The following GRIP1 variants were observed in gnomAD, a reference collection of about 807,000 sequenced individuals.
GRIP1 encodes the protein glutamate receptor-interacting protein 1.
GRIP1 carries 45 observed loss-of-function variants against 129.9 expected under a neutral mutation model. The observed-to-expected ratio is 0.35, with a 90% confidence interval of 0.27 to 0.44. The LOEUF (loss-of-function observed/expected upper bound fraction) is 0.44, where lower values mean the gene tolerates loss of function less well. GRIP1 is among the 20% of genes least tolerant of loss of function. The probability of loss-of-function intolerance (pLI) is 1.00; values close to 1 mark genes in which losing one functional copy is unlikely to be tolerated. For synonymous variants in GRIP1, 530 were observed against 520.8 expected (o/e 1.02, Z -0.24); for missense variants, 1,196 against 1,396.8 (o/e 0.86, Z 2.29).
chr12:66,591,357 G>A (rs1047840215), intron 2 of GRIP1, among the ~76,000 whole-genome samples: 2 of 152,148 alleles, frequency 1.3e-5, no homozygotes, highest in African/African-American at 4.8e-5. Flanking sequence ...GGCTGACACT[G>A]AATGGCTTTG....
At chr12:66,562,336 C>T (rs1819147582) in intron 2 of GRIP1, among the ~76,000 whole-genome samples, 1 of 152,154 alleles carries the variant, frequency 6.6e-6, no homozygotes, top group African/African-American at 2.4e-5. Context: ...TCCTCATCAC[C>T]AGTACTTTGG....
At chr12:66,965,924 G>A (rs1384008867) in intron 1 of GRIP1, among the ~76,000 whole-genome samples, 3 of 152,152 alleles carry the variant, frequency 2.0e-5, no homozygotes, top group Non-Finnish European at 4.4e-5. Flanking sequence ...TCAAAGTAAT[G>A]CCTTCTCCAT....
At chr12:66,691,092 A>G (rs2136314622) in intron 1 of GRIP1, among the ~76,000 whole-genome samples, 1 of 152,300 alleles carries the variant, frequency 6.6e-6, no homozygotes, top group East Asian at 1.9e-4. Context: ...GTCAAGGGTA[A>G]TTTTCATTTT....
intron 1 of GRIP1, among the ~76,000 whole-genome samples, chr12:67,045,191 G>A (rs1332107258): frequency 1.3e-5 from 2 of 152,172 alleles, no homozygotes; most frequent in Non-Finnish European, 1.5e-5. Flanking sequence ...CCACTGGGAA[G>A]AGTGGGTAAC....
chr12:66,779,021 A>G (rs2038074764), intron 1 of GRIP1, among the ~76,000 whole-genome samples: 1 of 152,216 alleles, frequency 6.6e-6, no homozygotes, highest in Non-Finnish European at 1.5e-5. Flanking sequence ...TAGCTTTGGG[A>G]GCACTTTTCC....
At chr12:66,656,224 A>G (rs1344604837) in intron 1 of GRIP1, among the ~76,000 whole-genome samples, 1 of 152,208 alleles carries the variant, frequency 6.6e-6, no homozygotes, top group African/African-American at 2.4e-5. Context: ...TCTCTGTAGA[A>G]TATGCAACAC....
At chr12:66,480,065 GC>G (rs2059755451) in intron 7 of GRIP1, among the ~76,000 whole-genome samples, 1 of 152,114 alleles carries the variant, frequency 6.6e-6, no homozygotes, top group Non-Finnish European at 1.5e-5. Flanking sequence ...GGAAGTTCTG[GC>G]CAGGGCAATC....
intron 2 of GRIP1, among the ~76,000 whole-genome samples, chr12:66,544,841 T>G (rs2061898532): frequency 6.6e-6 from 1 of 152,134 alleles, no homozygotes; most frequent in Admixed American, 6.6e-5. Flanking sequence ...TAATACCCTT[T>G]TTGGTGTTTA....
chr12:66,581,040 G>C (rs1301530648), intron 2 of GRIP1, among the ~76,000 whole-genome samples: 5 of 152,144 alleles, frequency 3.3e-5, no homozygotes, highest in African/African-American at 7.2e-5. Flanking sequence ...TAAAAGAACA[G>C]AAATTATAAC....
intron 1 of GRIP1, among the ~76,000 whole-genome samples, chr12:66,858,505 A>T (rs967723398): frequency 1.3e-5 from 2 of 151,922 alleles, no homozygotes; most frequent in African/African-American, 2.4e-5. Context: ...TCTAGCTACT[A>T]AAACTCTCCC....
chr12:66,703,701 G>C (rs1464776653), intron 1 of GRIP1, among the ~76,000 whole-genome samples: 1 of 152,110 alleles, frequency 6.6e-6, no homozygotes, highest in African/African-American at 2.4e-5. Context: ...CAGAACAAGA[G>C]ATAAGCAAGG....
rs146761832 is a variant in GRIP1 at position 66,873,050 on chromosome 12, T to C, written c.58+196000A>G. Reference sequence around the variant, plus strand: ...AGACTCAAAGACTTGGCCTACTCAATAGAGTACCTACAGGTGGCCTCTCCT... The same window carrying C: ...AGACTCAAAGACTTGGCCTACTCAACAGAGTACCTACAGGTGGCCTCTCCT... On this transcript the variant is annotated intron_variant, in intron 1 of 1. Transcript: ENST00000643019. Among the ~76,000 whole-genome samples the C allele has an allele frequency of 8.4e-3, 1,279 of 152,182 alleles. 23 individuals carry two copies. Among genetic ancestry groups the C allele is most frequent in the African/African-American group, 0.028 (1,159 of 41,536 alleles).
intron 2 of GRIP1, among the ~76,000 whole-genome samples, chr12:66,570,440 G>A (rs1215485281): frequency 6.6e-6 from 1 of 152,080 alleles, no homozygotes; most frequent in Non-Finnish European, 1.5e-5. Flanking sequence ...AGAAGATAGA[G>A]ACCAAATAGG....
At chr12:66,606,704 C>A (rs548746660) in intron 1 of GRIP1, among the ~76,000 whole-genome samples, 1 of 152,194 alleles carries the variant, frequency 6.6e-6, no homozygotes, top group African/African-American at 2.4e-5. Flanking sequence ...GGTTGCATGG[C>A]AAATCTGAAA....
At chr12:66,679,975 C>G (rs2034521277), upstream of GRIP1, among the ~76,000 whole-genome samples, 1 of 152,124 alleles carries the variant, frequency 6.6e-6, no homozygotes, top group Admixed American at 6.5e-5. Flanking sequence ...CAGCAGCAGC[C>G]TGCTCGCCAT....
intron 1 of GRIP1, among the ~76,000 whole-genome samples, chr12:66,846,622 T>A (rs967031873): frequency 6.6e-6 from 1 of 152,242 alleles, no homozygotes; most frequent in East Asian, 1.9e-4. Flanking sequence ...ACCTTGATTG[T>A]AGTGATAGTA....
At chr12:67,002,977 C>T (rs958754228) in intron 1 of GRIP1, among the ~76,000 whole-genome samples, 3 of 152,174 alleles carry the variant, frequency 2.0e-5, no homozygotes, top group African/African-American at 7.2e-5. Context: ...CCTCCTGTTT[C>T]CCCTGGCTGA....
chr12:66,796,668 C>T (rs566808905), intron 1 of GRIP1, among the ~76,000 whole-genome samples: 41 of 152,280 alleles, frequency 2.7e-4, no homozygotes, highest in African/African-American at 9.6e-4. Context: ...CCTCTGTCTT[C>T]TGTACCACGG....
intron 1 of GRIP1, among the ~76,000 whole-genome samples, chr12:66,718,400 G>A (rs548785448): frequency 6.6e-6 from 1 of 152,164 alleles, no homozygotes; most frequent in South Asian, 2.1e-4. Context: ...AATAATAACT[G>A]GAAATAAAAT....
Sources: allele counts gnomAD v4.1 joint callset (sites outside exome capture counted in the v4.1 genomes callset), GRCh38; gene constraint gnomAD v4.1.1; transcripts MANE v1.5; gene names NCBI Gene and HGNC (gene_info 2026-07-23, HGNC 2026-07-21).